Variants in LARP1 observed in about 807,000 individuals in gnomAD.
The protein encoded by LARP1 is la-related protein 1.
In LARP1, 36 loss-of-function variants were observed where a neutral mutation model predicts 122.7. That is an observed-to-expected ratio of 0.29 (90% CI 0.22 to 0.39). The LOEUF (loss-of-function observed/expected upper bound fraction) is 0.39. LARP1 is among the 10% of genes least tolerant of loss of function. The probability of loss-of-function intolerance (pLI) is 1.00; values close to 1 mark genes in which losing one functional copy is unlikely to be tolerated. For synonymous variants in LARP1, 539 were observed against 528.7 expected (o/e 1.02, Z -0.27); for missense variants, 1,040 against 1,403.6 (o/e 0.74, Z 4.14).
At chr5:154,787,548 C>T (rs1031704109) in intron 1 of LARP1, among the ~76,000 whole-genome samples, 4 of 152,208 alleles carry the variant, frequency 2.6e-5, no homozygotes, top group African/African-American at 9.6e-5. Flanking sequence ...TCATCTGAGC[C>T]ATTCTGGGTT....
At chr5:154,788,211 C>T (rs945213561) in intron 1 of LARP1, among the ~76,000 whole-genome samples, 1 of 152,306 alleles carries the variant, frequency 6.6e-6, no homozygotes. Context: ...CAGGCTAACC[C>T]AGGAGTCCCA....
intron 1 of LARP1, among the ~76,000 whole-genome samples, chr5:154,707,099 T>C (rs1019091572): frequency 1.3e-5 from 2 of 152,124 alleles, no homozygotes; most frequent in Non-Finnish European, 2.9e-5. Flanking sequence ...AGTTTTTGGA[T>C]CATGGAGTAT....
At chr5:154,726,782 C>G (rs1756239953) in intron 1 of LARP1, among the ~76,000 whole-genome samples, 1 of 152,212 alleles carries the variant, frequency 6.6e-6, no homozygotes, top group Admixed American at 6.5e-5. Context: ...TTAATTGACT[C>G]ACAGATCCAC....
intron 1 of LARP1, 129 bp downstream of exon 1, chr5:154,756,322 C>T (rs893324158): frequency 8.5e-6 from 8 of 936,870 alleles, no homozygotes; most frequent in Middle Eastern, 5.4e-4. Context: ...TTTAAAATTG[C>T]CTCCTGGTTG....
intron 1 of LARP1, among the ~76,000 whole-genome samples, chr5:154,692,990 TA>T (rs766509624): frequency 0.051 from 6,425 of 124,930 alleles, 320 homozygotes; most frequent in East Asian, 0.12. Context: ...AATTTTTAAT[TA>T]TTTTTTTTTT....
At chr5:154,736,540 A>T (rs140893957) in intron 1 of LARP1, among the ~76,000 whole-genome samples, 100 of 83,840 alleles carry the variant, frequency 1.2e-3, no homozygotes, top group African/African-American at 2.2e-3. Context: ...GCCTATTTTT[A>T]TTTATTTATT....
At chr5:154,768,643 G>A (rs567341078) in intron 1 of LARP1, among the ~76,000 whole-genome samples, 5 of 152,134 alleles carry the variant, frequency 3.3e-5, no homozygotes, top group Middle Eastern at 3.4e-3. Flanking sequence ...GTGCAGTGGC[G>A]CGATCTTGGC....
rs572960901 is a variant in LARP1, at chr5:154,685,114, C to T, written c.-180+2077C>T. ...CAGAAATTAGCTGGGCATGGTGACG[C>T]GCACCTGTAATCCCAGCTACTAAGG... On this transcript the variant is annotated intron_variant, in intron 1 of 18. Coordinates refer to the LARP1 transcript ENST00000687700. Among the ~76,000 whole-genome samples the T allele has an allele frequency of 1.1e-4, 16 of 152,158 alleles. No individual in the cohort carries two copies. In the South Asian group the frequency reaches 1.7e-3, roughly 16 times the overall value.
chr5:154,792,181 C>T (rs920794432), intron 3 of LARP1, among the ~76,000 whole-genome samples: 17 of 152,244 alleles, frequency 1.1e-4, no homozygotes, highest in African/African-American at 3.9e-4. Context: ...CTAGTCAGTT[C>T]TCTTCTTCCC....
At chr5:154,772,157 C>T (rs1164686200) in intron 1 of LARP1, among the ~76,000 whole-genome samples, 1 of 152,116 alleles carries the variant, frequency 6.6e-6, no homozygotes, top group Non-Finnish European at 1.5e-5. Context: ...CAGTGCTAGC[C>T]ACGTAAATTA....
chr5:154,766,454 G>T (rs1263037397), intron 1 of LARP1, among the ~76,000 whole-genome samples: 1 of 152,234 alleles, frequency 6.6e-6, no homozygotes, highest in African/African-American at 2.4e-5. Context: ...TCACTTAGGG[G>T]TAGAGAGTGG....
intron 1 of LARP1, among the ~76,000 whole-genome samples, chr5:154,693,854 TAA>T (rs36035997): frequency 9.2e-5 from 12 of 130,256 alleles, no homozygotes; most frequent in Admixed American, 1.6e-4. Flanking sequence ...AGACTCCGTC[TAA>T]AAAAAAAAAA....
intron 1 of LARP1, chr5:154,705,857 TAAAAC>T (rs1056779697): frequency 8.5e-5 from 13 of 152,164 alleles, no homozygotes; most frequent in Admixed American, 4.6e-4. Context: ...TTAAAGAACT[TAAAAC>T]AGAACTATAT....
chr5:154,731,041 T>A lies in LARP1; in HGVS notation c.205+17911T>A, dbSNP rs546585965. Among the ~76,000 whole-genome samples the A allele has an allele frequency of 2.0e-5, 3 of 152,064 alleles. No homozygotes were observed. In the South Asian group the frequency reaches 6.2e-4, roughly 32 times the overall value. The stretch of plus-strand genomic sequence containing the variant: ...GGTTTCACCATGTTGGCCAGGCTGG[T>A]CTTCAACTCCTGACCTCAGGTGATC... On this transcript the variant is annotated intron_variant, in intron 1 of 18. Coordinates refer to the LARP1 transcript ENST00000336314.
At chr5:154,744,246 A>G (rs1176862828) in intron 1 of LARP1, among the ~76,000 whole-genome samples, 2 of 152,286 alleles carry the variant, frequency 1.3e-5, no homozygotes, top group East Asian at 3.9e-4. Flanking sequence ...CCCAGTTTTA[A>G]GTCCTAATTG....
At chr5:154,768,604 C>T (rs891223896) in intron 1 of LARP1, among the ~76,000 whole-genome samples, 10 of 152,046 alleles carry the variant, frequency 6.6e-5, no homozygotes, top group Admixed American at 4.6e-4. Context: ...TTATTTGAGA[C>T]GAAGTCTCAC....
rs904844467 is a variant in LARP1, at chr5:154,795,874, T to A, written c.1377+555T>A. Among the ~76,000 whole-genome samples the A allele has an allele frequency of 3.0e-5, 4 of 133,148 alleles. No individual in the cohort carries two copies. The Admixed American group carries it at 3.6e-4, about 12-fold the overall frequency. The allele number at this position is 133,148 out of a possible 152,430, so 87.4% of individuals were successfully genotyped here. A position where few individuals can be genotyped will look rare whatever the true frequency, so the allele number is the denominator to read the frequency against. ...TATATATTTTATATACATTTATATA[T>A]AAAATATACATTTATATATATTTAT... On this transcript the variant is annotated intron_variant, in intron 8 of 18. Coordinates refer to ENST00000518297, the MANE Select transcript of LARP1 (RefSeq NM_033551.3).
rs576269595 is a variant in LARP1, at chr5:154,725,262, C to T, written c.205+12132C>T. Among the ~76,000 whole-genome samples, 211 of 151,866 alleles carry T rather than the reference C, an allele frequency of 1.4e-3. 2 individuals carry two copies. The highest frequency in any genetic ancestry group is 4.7e-3 in the African/African-American group (196 of 41,422). On this transcript the variant is annotated intron_variant, in intron 1 of 18. Transcript: ENST00000336314. ...AAAATTAGCCTGGTGTGGTGGCGGG[C>T]GCCTGTAATCCCAGCTACCTGGGAG...
intron 1 of LARP1, among the ~76,000 whole-genome samples, chr5:154,768,009 C>T (rs559139630): frequency 6.6e-6 from 1 of 152,240 alleles, no homozygotes; most frequent in African/African-American, 2.4e-5. Flanking sequence ...GGAATCAAAG[C>T]TTGGGGGTGC....
Sources: gnomAD v4.1 joint callset for allele counts (sites outside exome capture counted in the v4.1 genomes callset) on GRCh38, gnomAD v4.1.1 for gene constraint, MANE v1.5 for transcripts, NCBI Gene and HGNC (gene_info 2026-07-23, HGNC 2026-07-21) for gene names.